The following CAT variants were observed in gnomAD, a reference collection of about 807,000 sequenced individuals.
The protein encoded by CAT is epididymis secretory sperm binding protein.
In CAT, 43 loss-of-function variants were observed where a neutral mutation model predicts 59.0. The observed-to-expected ratio is 0.73, with a 90% CI of 0.57 to 0.94. The LOEUF (loss-of-function observed/expected upper bound fraction) is 0.94, where lower values mean the gene tolerates loss of function less well. Among genes scored for constraint, CAT ranks in the 40% least tolerant of loss-of-function variants. The pLI, the probability that CAT is intolerant of heterozygous loss-of-function variation, is 0.00. For synonymous variants in CAT, 218 were observed against 230.9 expected (o/e 0.94, Z 0.51); for missense variants, 664 against 682.9 (o/e 0.97, Z 0.31).
intron 10 of CAT, among the ~76,000 whole-genome samples, chr11:34,466,037 T>G (rs1452981008): frequency 1.3e-5 from 2 of 152,214 alleles, no homozygotes; most frequent in African/African-American, 4.8e-5. Flanking sequence ...CTCATGAGTC[T>G]GAAGGGACAA....
intron 10 of CAT, among the ~76,000 whole-genome samples, chr11:34,464,677 T>C (rs1856693266): frequency 6.6e-6 from 1 of 151,900 alleles, no homozygotes; most frequent in African/African-American, 2.4e-5. Flanking sequence ...GTCCTTCACG[T>C]GGCTTATTCT....
intron 5 of CAT, among the ~76,000 whole-genome samples, chr11:34,453,419 T>G (rs1055940495): frequency 6.6e-6 from 1 of 152,220 alleles, no homozygotes; most frequent in African/African-American, 2.4e-5. Flanking sequence ...CATTGTCAGT[T>G]GATATTTAGC....
chr11:34,439,515 G>C (rs191016735), intron 1 of CAT, among the ~76,000 whole-genome samples: 195 of 152,268 alleles, frequency 1.3e-3, no homozygotes, highest in Non-Finnish European at 2.2e-3. Context: ...GCAGGGCAGG[G>C]ATTGTGTTTT....
At chr11:34,466,804 A>AG (rs1554938653) in intron 10 of CAT, among the ~76,000 whole-genome samples, 1,598 of 147,448 alleles carry the variant, frequency 0.011, 46 homozygotes, top group African/African-American at 0.039. Context: ...AAAAAAAAAA[A>AG]GAAAATAGAT....
chr11:34,465,183 G>A (rs1238321931), intron 10 of CAT, among the ~76,000 whole-genome samples: 2 of 152,224 alleles, frequency 1.3e-5, no homozygotes, highest in Non-Finnish European at 2.9e-5. Context: ...TGTTTGAGCA[G>A]TTAGTGTTAA....
At chr11:34,458,239 A>G (rs111255358) in intron 8 of CAT, among the ~76,000 whole-genome samples, 19 of 152,354 alleles carry the variant, frequency 1.2e-4, no homozygotes, top group Admixed American at 7.8e-4. Context: ...GGGACATGTT[A>G]GGTGTGTTGA....
At position 34,471,453 on chromosome 11, in the gene CAT, T is replaced by G; in HGVS notation, c.*20T>G. 3 of 1,610,110 alleles carry G rather than the reference T, an allele frequency of 1.9e-6. No homozygotes were observed. Among genetic ancestry groups the G allele is most frequent in the Non-Finnish European group, 2.6e-6 (3 of 1,176,336 alleles). ...CTGTGAGGCCGGGGCCCTGCACCTG[T>G]GCAGCGAAGCTTAGCGTTCATCCGT... On this transcript the variant is annotated 3_prime_UTR_variant, in exon 13 of 13. Transcript: ENST00000241052.
intron 8 of CAT, chr11:34,460,623 A>ATTT: frequency 1.3e-5 from 2 of 151,350 alleles, no homozygotes; most frequent in Non-Finnish European, 2.9e-5. Context: ...TAATGTTTTA[A>ATTT]TTTTTTTTTT....
At position 34,456,680 on chromosome 11, in the gene CAT, GACT is replaced by G; in HGVS notation, c.922_924del (p.Tyr308del). On this transcript the variant is annotated inframe_deletion, in exon 8 of 13. Transcript: ENST00000241052. ...TCATTTTCAGGTTTGGCCTCACAAG[GACT>G]ACCCTCTCATCCCAGTTGGTAAACT... 1 of 1,614,154 alleles carries G rather than the reference GACT, an allele frequency of 6.2e-7. No homozygotes were observed. Among genetic ancestry groups the G allele is most frequent in the Non-Finnish European group, 8.5e-7 (1 of 1,179,980 alleles).
chr11:34,460,256 T>G (rs1856633444), intron 8 of CAT, among the ~76,000 whole-genome samples: 1 of 152,154 alleles, frequency 6.6e-6, no homozygotes, highest in Non-Finnish European at 1.5e-5. Context: ...CTGAAAGAAA[T>G]TTCAAGATGC....
chr11:34,464,236 G>C lies in CAT; in HGVS notation c.1326+1G>C. ...TGCCAATGATGATAACGTTACTCAGGTAATGACTTCTCTTTATCTGCTATG... is the reference window on the plus strand; with the variant it reads ...TGCCAATGATGATAACGTTACTCAGCTAATGACTTCTCTTTATCTGCTATG... On this transcript the variant is annotated splice_donor_variant, in intron 10 of 12. Transcript: ENST00000241052. LOFTEE classifies it high-confidence loss of function. The C allele has an allele frequency of 6.2e-7, 1 of 1,613,758 alleles. No individual in the cohort carries two copies.
At chr11:34,459,625 A>T (rs1856627402) in intron 8 of CAT, among the ~76,000 whole-genome samples, 1 of 152,206 alleles carries the variant, frequency 6.6e-6, no homozygotes, top group African/African-American at 2.4e-5. Context: ...GAGTTCAGGC[A>T]CAGGGCCTTG....
chr11:34,441,128 A>T (rs1308736581), intron 1 of CAT, among the ~76,000 whole-genome samples: 1 of 152,054 alleles, frequency 6.6e-6, no homozygotes, highest in Admixed American at 6.6e-5. Context: ...CTTAGTAAAA[A>T]CCGCTTACTT....
intron 2 of CAT, among the ~76,000 whole-genome samples, chr11:34,450,066 CATGGG>C (rs1472128065): frequency 2.0e-4 from 31 of 152,140 alleles, no homozygotes; most frequent in Admixed American, 2.0e-3. Context: ...CCTATCTAGA[CATGGG>C]GAGAACATGC....
At chr11:34,470,706 G>A (rs530813555) in intron 11 of CAT, 72 of 513,098 alleles carry the variant, frequency 1.4e-4, no homozygotes, top group African/African-American at 5.8e-4. Flanking sequence ...ATTTTCTTGC[G>A]CATTTCGGCA....
At chr11:34,468,837 A>G (rs1856746105) in intron 11 of CAT, among the ~76,000 whole-genome samples, 1 of 152,238 alleles carries the variant, frequency 6.6e-6, no homozygotes, top group Non-Finnish European at 1.5e-5. Context: ...GCTTGAGCCC[A>G]GGAATACAGG....
At chr11:34,461,197 C>G (rs1411544432) in intron 8 of CAT, 54 bp from the exon 9 acceptor site, 1 of 1,586,786 alleles carries the variant, frequency 6.3e-7, no homozygotes. Context: ...ACAGCCCATT[C>G]CTATGTTATA....
chr11:34,449,226 C>T lies in CAT; in HGVS notation c.101C>T (p.Pro34Leu). 1 of 1,614,146 alleles carries T rather than the reference C, an allele frequency of 6.2e-7. No individual in the cohort carries two copies. The highest frequency in any genetic ancestry group is 2.2e-5 in the East Asian group (1 of 44,872). The change falls in exon 2 of 13, where the codon CCA becomes CTA. Residue 34 changes from proline (P) to leucine (L), a missense_variant. Pro to Leu is a moderately conservative substitution (Grantham distance 98). Transcript: ENST00000241052. ...ADVLTTGAGN[P>L]VGDKLNVITV... ...GTCCTGACCACTGGAGCTGGTAACC[C>T]AGTAGGAGACAAACTTAATGTTATT...
intron 1 of CAT, among the ~76,000 whole-genome samples, chr11:34,440,079 G>A (rs1312924911): frequency 1.3e-5 from 2 of 152,214 alleles, no homozygotes; most frequent in African/African-American, 4.8e-5. Context: ...GGCCCAGGGA[G>A]TCTAAAGGTC....
Sources: allele counts gnomAD v4.1 joint callset (sites outside exome capture counted in the v4.1 genomes callset), GRCh38; gene constraint gnomAD v4.1.1; transcripts MANE v1.5; gene names NCBI Gene and HGNC (gene_info 2026-07-23, HGNC 2026-07-21).